Variants in EFCAB5 observed in about 807,000 individuals in gnomAD.
EFCAB5 encodes EF-hand calcium-binding domain-containing protein 5.
In EFCAB5, 131 loss-of-function variants were observed where a neutral mutation model predicts 167.9. That is an observed-to-expected ratio of 0.78 (90% CI 0.68 to 0.90). The LOEUF (loss-of-function observed/expected upper bound fraction) is 0.90, where lower values mean the gene tolerates loss of function less well. Among genes scored for constraint, EFCAB5 ranks in the 40% least tolerant of loss-of-function variants. The pLI is 0.00. For synonymous variants in EFCAB5, 574 were observed against 602.8 expected (o/e 0.95, Z 0.70); for missense variants, 1,663 against 1,745.2 (o/e 0.95, Z 0.84).
At chr17:30,068,723 A>G in intron 14 of EFCAB5, 14 of 1,509,506 alleles carry the variant, frequency 9.3e-6, no homozygotes, top group Non-Finnish European at 1.3e-5. Context: ...GGCAGAGTCG[A>G]TGGCAGCCGG....
At chr17:30,036,123 A>G (rs1206654440) in intron 8 of EFCAB5, among the ~76,000 whole-genome samples, 5 of 143,886 alleles carry the variant, frequency 3.5e-5, no homozygotes, top group Admixed American at 2.2e-4. Flanking sequence ...ATATAAATAT[A>G]TATGAGGCAC....
In EFCAB5 at chr17:29,996,292, T is replaced by C. The variant is rs1228976884; in HGVS notation, c.925-20T>C. 3 of 1,542,866 alleles carry C rather than the reference T, an allele frequency of 1.9e-6. No individual in the cohort carries two copies. The East Asian group carries it at 7.3e-5, about 38-fold the overall frequency. On this transcript the variant is annotated intron_variant, in intron 5 of 22. Transcript: ENST00000394835. ...GAGTGGCATATGGTTTCTTTCTTTTTTTCCTCTTTTGAGTTGCAGATTCAG... is the reference window on the plus strand; with the variant it reads ...GAGTGGCATATGGTTTCTTTCTTTTCTTCCTCTTTTGAGTTGCAGATTCAG...
chr17:30,001,541 C>T (rs1319509486), intron 7 of EFCAB5, among the ~76,000 whole-genome samples: 3 of 152,070 alleles, frequency 2.0e-5, no homozygotes, highest in African/African-American at 7.2e-5. Flanking sequence ...GAGGCTGAGG[C>T]AAGAGGATTG....
chr17:30,088,313 G>T (rs778292785), intron 19 of EFCAB5, among the ~76,000 whole-genome samples: 5 of 151,976 alleles, frequency 3.3e-5, no homozygotes, highest in Non-Finnish European at 7.4e-5. Flanking sequence ...AAGAGACAGG[G>T]TCTCTTTATG....
chr17:29,992,346 T>A (rs552982120), intron 4 of EFCAB5, among the ~76,000 whole-genome samples: 1 of 152,244 alleles, frequency 6.6e-6, no homozygotes, highest in African/African-American at 2.4e-5. Context: ...TCCATTGTAT[T>A]TATTTATTAC....
intron 3 of EFCAB5, among the ~76,000 whole-genome samples, chr17:29,967,886 AC>A (rs1039421107): frequency 1.2e-4 from 16 of 138,418 alleles, no homozygotes; most frequent in African/African-American, 3.8e-4. Context: ...ACATTTCCTC[AC>A]CTTTTTTTTT....
chr17:30,057,097 A>C (rs752965841), intron 12 of EFCAB5, among the ~76,000 whole-genome samples: 3 of 152,208 alleles, frequency 2.0e-5, no homozygotes, highest in Non-Finnish European at 4.4e-5. Context: ...TTTTGGAAGA[A>C]GGAGTTGTGG....
At chr17:30,104,260 T>C (rs1476580008) in intron 22 of EFCAB5, among the ~76,000 whole-genome samples, 1 of 152,238 alleles carries the variant, frequency 6.6e-6, no homozygotes, top group Non-Finnish European at 1.5e-5. Context: ...TCTTTCTTTT[T>C]GCTTTGCCCA....
chr17:30,039,550 A>C (rs146841110), intron 8 of EFCAB5, among the ~76,000 whole-genome samples: 1 of 152,148 alleles, frequency 6.6e-6, no homozygotes, highest in African/African-American at 2.4e-5. Flanking sequence ...CCACCCCTGC[A>C]TCTTGCTTGT....
At chr17:29,993,568 A>G (rs1214070620) in intron 5 of EFCAB5, among the ~76,000 whole-genome samples, 1 of 151,532 alleles carries the variant, frequency 6.6e-6, no homozygotes, top group East Asian at 1.9e-4. Flanking sequence ...ACTCATCACT[A>G]TAAACCAACA....
chr17:29,990,829 C>T (rs1370527566), intron 4 of EFCAB5, among the ~76,000 whole-genome samples: 4 of 152,138 alleles, frequency 2.6e-5, no homozygotes, highest in East Asian at 3.8e-4. Flanking sequence ...AGCAGTCGCT[C>T]GAGGTGCTGC....
chr17:29,994,908 A>G (rs1184909990), intron 5 of EFCAB5, among the ~76,000 whole-genome samples: 1 of 152,230 alleles, frequency 6.6e-6, no homozygotes, highest in East Asian at 1.9e-4. Context: ...TAACCATTTC[A>G]ATGCAGTATT....
intron 22 of EFCAB5, among the ~76,000 whole-genome samples, chr17:30,104,884 C>G (rs1291739363): frequency 3.3e-5 from 5 of 152,156 alleles, no homozygotes; most frequent in Non-Finnish European, 7.3e-5. Context: ...ACAGCGACCT[C>G]GCTCACCATC....
chr17:30,019,928 G>A (rs2069134698), intron 7 of EFCAB5, among the ~76,000 whole-genome samples: 1 of 152,104 alleles, frequency 6.6e-6, no homozygotes, highest in Non-Finnish European at 1.5e-5. Context: ...ACAACGGGAT[G>A]TTTATATATA....
At chr17:30,003,548 G>T (rs767657232) in intron 7 of EFCAB5, among the ~76,000 whole-genome samples, 1 of 144,132 alleles carries the variant, frequency 6.9e-6, no homozygotes. Context: ...GTTTTTTTAA[G>T]AAATGTGGTT....
At chr17:30,036,847 A>C (rs892702806) in intron 8 of EFCAB5, among the ~76,000 whole-genome samples, 6 of 152,246 alleles carry the variant, frequency 3.9e-5, no homozygotes, top group Non-Finnish European at 7.3e-5. Context: ...AATGCAAAAT[A>C]TGGCATCAAA....
At chr17:29,978,096 G>C (rs940643658) in intron 4 of EFCAB5, among the ~76,000 whole-genome samples, 1 of 152,208 alleles carries the variant, frequency 6.6e-6, no homozygotes, top group Non-Finnish European at 1.5e-5. Flanking sequence ...CCAGGAGACA[G>C]TGGCTTCCTA....
Position 30,055,969 on chromosome 17 carries a change from A to C in EFCAB5, c.2272+4A>C. 1 of 1,613,590 alleles carries C rather than the reference A, an allele frequency of 6.2e-7. No homozygotes were observed. Reference sequence around the variant, plus strand: ...ATAGAAGGAAAGTCATGGTCAGGTAACTCCTCATTTAATCCTCCTTTCATT... The same window carrying C: ...ATAGAAGGAAAGTCATGGTCAGGTACCTCCTCATTTAATCCTCCTTTCATT... On this transcript the variant is annotated splice_donor_region_variant and intron_variant, in intron 11 of 22. Transcript: ENST00000394835.
intron 9 of EFCAB5, 48 bp downstream of exon 9, chr17:30,051,265 C>A: frequency 6.7e-7 from 1 of 1,500,038 alleles, no homozygotes; most frequent in Non-Finnish European, 9.3e-7. Flanking sequence ...TGTCGCAGTG[C>A]ACTGATATGT....
Sources: gnomAD v4.1 joint callset for allele counts (sites outside exome capture counted in the v4.1 genomes callset) on GRCh38, gnomAD v4.1.1 for gene constraint, MANE v1.5 for transcripts, NCBI Gene and HGNC (gene_info 2026-07-23, HGNC 2026-07-21) for gene names.